Variants in PHKA1 observed in about 807,000 individuals in gnomAD.
PHKA1 encodes the protein phosphorylase b kinase regulatory subunit alpha, skeletal muscle isoform.
A neutral mutation model predicts 110.2 loss-of-function variants in PHKA1; 60 were observed. The ratio of observed to expected loss-of-function variants is 0.54; its 90% CI spans 0.44 to 0.68. The LOEUF (loss-of-function observed/expected upper bound fraction) is 0.68. Among genes scored for constraint, PHKA1 ranks in the 30% least tolerant of loss-of-function variants. The pLI is 0.00. For missense variants in PHKA1, 801 were observed against 942.5 expected, an observed-to-expected ratio of 0.85 and a Z score of 1.97; for synonymous variants, 316 against 333.6, an observed-to-expected ratio of 0.95 and a Z score of 0.58.
chrX:72,660,618 A>T, intron 8 of PHKA1: 1 of 363,432 alleles, frequency 2.8e-6, no homozygotes, highest in Non-Finnish European at 5.3e-6. Context: ...TTTTATACAA[A>T]AGAAGTTGCA....
At position 72,712,763 on chromosome X, in the gene PHKA1, T is replaced by C. The variant is rs377641809; in HGVS notation, c.237+16A>G. Reference sequence around the variant, plus strand: ...ACACATAGCTCCAGATCTCTTTGTATTTTTATTTTGAGTACCTGCTCCAAT... The same window carrying C: ...ACACATAGCTCCAGATCTCTTTGTACTTTTATTTTGAGTACCTGCTCCAAT... On this transcript the variant is annotated intron_variant, in intron 2 of 31. Coordinates refer to ENST00000373542, the MANE Select transcript of PHKA1 (RefSeq NM_002637.4). 1.2e-5 allele frequency: 15 copies of C among 1,203,818 alleles called. No homozygotes were observed. The African/African-American group carries it at 2.5e-4, about 20-fold the overall frequency.
At chrX:72,616,312 G>A (rs1283639459) in intron 21 of PHKA1, among the ~76,000 whole-genome samples, 2 of 112,116 alleles carry the variant, frequency 1.8e-5, no homozygotes, top group Admixed American at 9.4e-5. Context: ...AGACTACAGT[G>A]AGCCATGTTC....
chrX:72,586,565 T>A (rs1172473391), intron 29 of PHKA1, among the ~76,000 whole-genome samples: 1 of 111,070 alleles, frequency 9.0e-6, no homozygotes, highest in Non-Finnish European at 1.9e-5. Context: ...GGAACAAAGC[T>A]GGATGGAGAA....
intron 14 of PHKA1, among the ~76,000 whole-genome samples, chrX:72,643,813 A>G (rs2053326432): frequency 8.9e-6 from 1 of 111,851 alleles, no homozygotes. Context: ...TTGGGGAGTC[A>G]TTATTCAGTC....
At chrX:72,626,704 AAAT>A (rs1352168738) in intron 17 of PHKA1, among the ~76,000 whole-genome samples, 1 of 111,873 alleles carries the variant, frequency 8.9e-6, no homozygotes, top group Non-Finnish European at 1.9e-5. Flanking sequence ...TAAGAGCTCA[AAAT>A]AATAATGAAA....
intron 16 of PHKA1, 116 bp from the exon 17 acceptor site, chrX:72,627,165 C>T (rs1334638910): frequency 1.1e-5 from 6 of 558,739 alleles, no homozygotes; most frequent in Non-Finnish European, 1.8e-5. Flanking sequence ...TGAGACACTC[C>T]TCATTGACCA....
rs1556244103 is a variant in PHKA1, at chrX:72,602,204, T to G, written c.2987A>C (p.Lys996Thr). ...CTGCATGATCCCAGTTCGTTCTGTT[T>G]TGGTTGCTCCAACAGCACCAATCTC... ...IHEIGAVGAT[K>T]TERTGIMQLK... is the part of the protein sequence containing the mutation. The change falls in exon 27 of 32, where the codon AAA becomes ACA. Residue 996 changes from lysine to threonine, a missense_variant. Around this residue, in one of 2 missense-constraint regions of PHKA1, gnomAD observed 502 missense variants for 519.2 expected, o/e 0.97. Coordinates refer to ENST00000373542, the MANE Select transcript of PHKA1 (RefSeq NM_002637.4). 1 of 1,207,694 alleles carries G rather than the reference T, an allele frequency of 8.3e-7. No individual in the cohort carries two copies. The highest frequency in any genetic ancestry group is 2.2e-5 in the Admixed American group (1 of 45,895).
intron 15 of PHKA1, 78 bp from the exon 16 acceptor site, chrX:72,635,377 T>G (rs1464321309): frequency 1.1e-6 from 1 of 937,860 alleles, no homozygotes; most frequent in African/African-American, 2.0e-5. Context: ...ACTCATATAT[T>G]CAGAAGAGTA....
chrX:72,604,760 C>T (rs1446604559), intron 25 of PHKA1, among the ~76,000 whole-genome samples: 1 of 111,836 alleles, frequency 8.9e-6, no homozygotes, highest in African/African-American at 3.2e-5. Flanking sequence ...TCCAACTATT[C>T]TTCTAACTAA....
Position 72,605,334 on chromosome X carries a change from G to A in PHKA1, c.2752C>T (p.Leu918Phe). ...ACTTGTATGATCAGACCAATTCGAA[G>A]TCGAAACATTTCAGCAAAGAGGCCA... Reference protein sequence around the residue: ...QPGLFAEMFRLRIGLIIQVMA... With the variant: ...QPGLFAEMFRFRIGLIIQVMA... Residue 918 changes from leucine (L) to phenylalanine (F), a missense_variant, in exon 25 of 32, where the codon CTT becomes TTT. Around this residue, in one of 2 missense-constraint regions of PHKA1, gnomAD observed 502 missense variants for 519.2 expected, o/e 0.97. Coordinates refer to ENST00000373542, the MANE Select transcript of PHKA1 (RefSeq NM_002637.4). 8.3e-7 allele frequency: 1 copy of A among 1,205,548 alleles called. No homozygotes were observed. Among genetic ancestry groups the A allele is most frequent in the Non-Finnish European group, 1.1e-6 (1 of 890,008 alleles).
intron 18 of PHKA1, chrX:72,622,800 A>T: frequency 1.3e-6 from 1 of 751,723 alleles, no homozygotes; most frequent in Non-Finnish European, 1.6e-6. Flanking sequence ...ATACTTGATT[A>T]ATCATCTCTC....
At chrX:72,644,864 C>G (rs143037296) in intron 13 of PHKA1, among the ~76,000 whole-genome samples, 3,898 of 111,314 alleles carry the variant, frequency 0.035, 73 homozygotes, top group Non-Finnish European at 0.055. Flanking sequence ...TATCAGTAAA[C>G]CTAAGGTCAG....
intron 3 of PHKA1, among the ~76,000 whole-genome samples, 171 bp downstream of exon 3, chrX:72,705,027 A>G (rs2054260262): frequency 8.9e-6 from 1 of 112,509 alleles, no homozygotes; most frequent in Non-Finnish European, 1.9e-5. Context: ...TGGTAATTAC[A>G]TTGTGAGATT....
At chrX:72,585,184 T>C (rs185589696) in intron 29 of PHKA1, among the ~76,000 whole-genome samples, 201 of 111,147 alleles carry the variant, frequency 1.8e-3, no homozygotes, top group African/African-American at 6.2e-3. Flanking sequence ...CATTTTGTGG[T>C]GTTCTAAGTA....
At chrX:72,583,881 C>T (rs191886575) in intron 30 of PHKA1, among the ~76,000 whole-genome samples, 1 of 111,900 alleles carries the variant, frequency 8.9e-6, no homozygotes, top group Admixed American at 9.4e-5. Context: ...AGCTAACAAC[C>T]ACTGGTTTAT....
intron 10 of PHKA1, 94 bp from the exon 11 acceptor site, chrX:72,653,624 A>G (rs1348812774): frequency 3.6e-6 from 2 of 560,114 alleles, no homozygotes; most frequent in Non-Finnish European, 6.2e-6. Context: ...CCTATTGCAA[A>G]GGAGCTTATT....
chrX:72,637,661 T>C (rs2053245154), intron 14 of PHKA1, among the ~76,000 whole-genome samples: 1 of 112,212 alleles, frequency 8.9e-6, no homozygotes, highest in Non-Finnish European at 1.9e-5. Context: ...CATTTTACAT[T>C]CCCATCCACA....
intron 4 of PHKA1, among the ~76,000 whole-genome samples, chrX:72,689,446 C>T (rs2054007443): frequency 9.0e-6 from 1 of 111,519 alleles, no homozygotes; most frequent in African/African-American, 3.3e-5. Context: ...TGTCTGGGTT[C>T]TTTCACTTAG....
Position 72,593,264 on chromosome X carries a change from G to T in PHKA1, c.3083C>A (p.Thr1028Asn). Residue 1028 changes from threonine to asparagine, a missense_variant, in exon 29 of 32, where the codon ACC becomes AAC. Physicochemically the swap from Thr to Asn is moderately conservative, Grantham distance 65. Around this residue, in one of 2 missense-constraint regions of PHKA1, gnomAD observed 502 missense variants for 519.2 expected, o/e 0.97. Transcript: ENST00000373542. The part of the protein sequence containing the change: ...SISAESQSPG[T>N]SMTPSSGSFP... ...GGACCCACTACTTGGAGTCATAGAG[G>T]TTCCAGGTGACTTGGAAGAGGAGAG... 2.5e-6 allele frequency: 3 copies of T among 1,194,394 alleles called. No homozygotes were observed. Among genetic ancestry groups the T allele is most frequent in the Non-Finnish European group, 3.4e-6 (3 of 879,684 alleles).
Sources: gnomAD v4.1 joint callset for allele counts (sites outside exome capture counted in the v4.1 genomes callset) on GRCh38, gnomAD v4.1.1 for gene constraint, gnomAD v4.1.1 regional missense constraint, MANE v1.5 for transcripts, NCBI Gene and HGNC (gene_info 2026-07-23, HGNC 2026-07-21) for gene names.